NLN: variants seen among roughly 807,000 people sequenced by gnomAD.
NLN encodes neurolysin, mitochondrial.
In NLN, 64 loss-of-function variants were observed where a neutral mutation model predicts 79.9. The observed-to-expected ratio is 0.80, with a 90% CI of 0.65 to 0.99. The LOEUF (loss-of-function observed/expected upper bound fraction) is 0.99, where lower values mean the gene tolerates loss of function less well. NLN is among the 50% of genes least tolerant of loss of function. NLN has a pLI of 0.00. For synonymous variants in NLN, 267 were observed against 296.6 expected (o/e 0.90, Z 1.02); for missense variants, 835 against 858.7 (o/e 0.97, Z 0.34).
In NLN at chr5:65,824,226, C is replaced by T. The variant is rs1550818; in HGVS notation, c.*1311C>T. On this transcript the variant is annotated 3_prime_UTR_variant, in exon 13 of 13. Transcript: ENST00000380985. ...ATACCTCAGGTATGACTTTGCTAGC[C>T]GGGGACAAAATTAGCACCTTCCGAT... The T allele has an allele frequency of 0.19, 28,170 of 151,978 alleles. 3,057 individuals are homozygous for T. The highest frequency in any genetic ancestry group is 0.29 in the African/African-American group (12,198 of 41,432). The allele number at this position is 151,978 out of a possible 1,614,324, so 9.4% of individuals were successfully genotyped here. A position where few individuals can be genotyped will look rare whatever the true frequency, so the allele number is the denominator to read the frequency against.
Position 65,757,889 on chromosome 5 carries a change from G to A in NLN, c.42-678G>A, listed in dbSNP as rs374046151. Among the ~76,000 whole-genome samples the A allele has an allele frequency of 1.1e-4, 16 of 152,050 alleles. No individual in the cohort carries two copies. In the East Asian group the frequency reaches 2.3e-3, roughly 22 times the overall value. ...CTCGCTAAACTTGCAAGGTTTTTTCGAGTCTATGTACATAGTAGGTGAAAG... is the reference window on the plus strand; with the variant it reads ...CTCGCTAAACTTGCAAGGTTTTTTCAAGTCTATGTACATAGTAGGTGAAAG... On this transcript the variant is annotated intron_variant, in intron 1 of 12. Coordinates refer to ENST00000380985, the MANE Select transcript of NLN (RefSeq NM_020726.5).
intron 4 of NLN, among the ~76,000 whole-genome samples, chr5:65,778,768 A>G (rs554458432): frequency 6.6e-6 from 1 of 152,292 alleles, no homozygotes; most frequent in East Asian, 1.9e-4. Context: ...TTTTATCTAA[A>G]GGGTGGCTTC....
In NLN at chr5:65,792,524, A is replaced by T. The variant is rs1440153612; in HGVS notation, c.1396A>T (p.Met466Leu). 4 of 1,613,996 alleles carry T rather than the reference A, an allele frequency of 2.5e-6. No individual in the cohort carries two copies. The African/African-American group carries it at 5.3e-5, about 22-fold the overall frequency. Residue 466 changes from methionine (M) to leucine (L), a missense_variant, in exon 9 of 13, where the codon ATG (methionine) becomes TTG (leucine). Physicochemically the swap from Met to Leu is conservative, Grantham distance 15 (BLOSUM62 2). Transcript: ENST00000380985. ...CTGCCTTCTGCCTGATGGAAGCCGG[A>T]TGATGGCAGTGGCTGCCCTCGTGGT... is the stretch of plus-strand genomic sequence containing the variant. ...PGCLLPDGSR[M>L]MAVAALVVNF...
Position 65,792,645 on chromosome 5 carries a change from T to C in NLN, c.1517T>C (p.Ile506Thr), listed in dbSNP as rs1760090857. 6.2e-7 allele frequency: 1 copy of C among 1,612,866 alleles called. No homozygotes were observed. The highest frequency in any genetic ancestry group is 1.3e-5 in the African/African-American group (1 of 74,780). Residue 506 changes from isoleucine (I) to threonine (T), a missense_variant, in exon 9 of 13, where the codon ATT becomes ACT. Physicochemically the swap from Ile to Thr is moderately conservative, Grantham distance 89. Transcript: ENST00000380985. ...GAGTTTGGTCACGTGATGCATCAGATTTGTGCACAGGTGAGTTTTTTTTTT... is the reference window on the plus strand; with the variant it reads ...GAGTTTGGTCACGTGATGCATCAGACTTGTGCACAGGTGAGTTTTTTTTTT... ...FHEFGHVMHQ[I>T]CAQTDFARFS...
intron 1 of NLN, among the ~76,000 whole-genome samples, chr5:65,740,202 G>A (rs1392361016): frequency 1.3e-5 from 2 of 152,218 alleles, no homozygotes; most frequent in South Asian, 2.1e-4. Context: ...AAGCTGGGAA[G>A]TGCAAGGTCG....
chr5:65,759,972 A>T (rs1253946226), intron 2 of NLN, among the ~76,000 whole-genome samples: 1 of 152,196 alleles, frequency 6.6e-6, no homozygotes, highest in Non-Finnish European at 1.5e-5. Context: ...AGGGTTGGAC[A>T]TACTTTGTAG....
chr5:65,722,630 T>G (rs1251864567), intron 1 of NLN: 1 of 529,710 alleles, frequency 1.9e-6, no homozygotes, highest in Non-Finnish European at 3.3e-6. Flanking sequence ...AGGACGTCCA[T>G]TCCTCTTTGT....
At chr5:65,807,413 G>A (rs1467383303) in intron 9 of NLN, among the ~76,000 whole-genome samples, 1 of 151,392 alleles carries the variant, frequency 6.6e-6, no homozygotes, top group African/African-American at 2.4e-5. Flanking sequence ...TGTATACATT[G>A]TCTTTGTGGG....
chr5:65,741,348 C>A (rs1268162354), intron 1 of NLN, among the ~76,000 whole-genome samples: 1 of 152,054 alleles, frequency 6.6e-6, no homozygotes, highest in Non-Finnish European at 1.5e-5. Flanking sequence ...ATCTGTAGAT[C>A]ACTTTGTGAA....
At chr5:65,783,834 CTATT>C (rs1759857143) in intron 6 of NLN, among the ~76,000 whole-genome samples, 1 of 151,888 alleles carries the variant, frequency 6.6e-6, no homozygotes, top group Admixed American at 6.6e-5. Flanking sequence ...TCTAATTAAA[CTATT>C]TAATTTTAGA....
intron 1 of NLN, among the ~76,000 whole-genome samples, chr5:65,750,587 A>G (rs1005392458): frequency 6.6e-6 from 1 of 152,230 alleles, no homozygotes; most frequent in Non-Finnish European, 1.5e-5. Flanking sequence ...GTGCTGGCAC[A>G]TGCCTGTAAT....
intron 9 of NLN, among the ~76,000 whole-genome samples, chr5:65,798,074 CA>C (rs1439479047): frequency 6.6e-6 from 1 of 152,134 alleles, no homozygotes; most frequent in African/African-American, 2.4e-5. Flanking sequence ...AAGCGAAAGA[CA>C]AGGTTAGACC....
At chr5:65,780,026 A>T in intron 4 of NLN, 153 bp from the exon 5 acceptor site, 2 of 507,126 alleles carry the variant, frequency 3.9e-6, no homozygotes, top group Non-Finnish European at 7.0e-6. Flanking sequence ...GGCTTTCACC[A>T]TGTTAGCCAG....
intron 9 of NLN, among the ~76,000 whole-genome samples, chr5:65,808,063 C>T (rs1298148804): frequency 1.3e-5 from 2 of 152,086 alleles, no homozygotes; most frequent in Non-Finnish European, 2.9e-5. Flanking sequence ...TACCTCTTTC[C>T]CTGCAAGATT....
chr5:65,741,654 AATTT>A (rs1367540702), intron 1 of NLN, among the ~76,000 whole-genome samples: 1 of 152,248 alleles, frequency 6.6e-6, no homozygotes, highest in Non-Finnish European at 1.5e-5. Context: ...TGCCAAAAGC[AATTT>A]ATTCATGTTT....
At chr5:65,730,990 A>G (rs1462567777) in intron 1 of NLN, among the ~76,000 whole-genome samples, 1 of 152,216 alleles carries the variant, frequency 6.6e-6, no homozygotes, top group Admixed American at 6.5e-5. Context: ...ATTTTTGCTG[A>G]CAAATCTAGA....
At chr5:65,741,598 T>C (rs1016224750) in intron 1 of NLN, among the ~76,000 whole-genome samples, 4 of 152,166 alleles carry the variant, frequency 2.6e-5, no homozygotes, top group Non-Finnish European at 5.9e-5. Flanking sequence ...AGTAATTTAC[T>C]AAGGACTTCA....
intron 3 of NLN, among the ~76,000 whole-genome samples, chr5:65,774,232 C>T (rs762045510): frequency 6.3e-4 from 96 of 151,672 alleles, no homozygotes; most frequent in Non-Finnish European, 1.1e-3. Flanking sequence ...AGGAAGTTAG[C>T]GGAAAATTAA....
intron 2 of NLN, among the ~76,000 whole-genome samples, chr5:65,759,828 T>C (rs542698083): frequency 9.2e-5 from 14 of 152,274 alleles, no homozygotes; most frequent in Non-Finnish European, 1.8e-4. Flanking sequence ...AGGTGATGGG[T>C]TTATAGCTAA....
Sources: gnomAD v4.1 joint callset for allele counts (sites outside exome capture counted in the v4.1 genomes callset) on GRCh38, gnomAD v4.1.1 for gene constraint, MANE v1.5 for transcripts, NCBI Gene and HGNC (gene_info 2026-07-23, HGNC 2026-07-21) for gene names.